The following PGBD5 variants were observed in gnomAD, a reference collection of about 807,000 sequenced individuals.
PGBD5 encodes the protein piggyBac transposable element derived 5.
PGBD5 carries 14 observed loss-of-function variants against 47.9 expected under a neutral mutation model. The ratio of observed to expected loss-of-function variants is 0.29; its 90% CI spans 0.19 to 0.46. The LOEUF is 0.46. Among genes scored for constraint, PGBD5 ranks in the 20% least tolerant of loss-of-function variants. The probability of loss-of-function intolerance (pLI) is 1.00; values close to 1 mark genes in which losing one functional copy is unlikely to be tolerated. For missense variants in PGBD5, 635 were observed against 716.0 expected, an observed-to-expected ratio of 0.89 and a Z score of 1.29; for synonymous variants, 316 against 306.3, an observed-to-expected ratio of 1.03 and a Z score of -0.33.
In PGBD5 at chr1:230,349,250, C is replaced by T. The variant is rs1000893775; in HGVS notation, c.894+1708G>A. Among the ~76,000 whole-genome samples, 15 of 152,084 alleles carry T rather than the reference C, an allele frequency of 9.9e-5. No homozygotes were observed. In the East Asian group the frequency reaches 1.9e-3, roughly 20 times the overall value. On this transcript the variant is annotated intron_variant, in intron 3 of 6. Coordinates refer to ENST00000391860, the MANE Select transcript of PGBD5 (RefSeq NM_001258311.2). ...CATTTATTCCAAAGCTACACAGGGC[C>T]GGTATGGTGGCTCTTGACTGTAATC...
chr1:230,386,847 C>T (rs183827802), intron 1 of PGBD5, among the ~76,000 whole-genome samples: 103 of 152,210 alleles, frequency 6.8e-4, no homozygotes, highest in Non-Finnish European at 4.7e-4. Context: ...CACTGGGCTA[C>T]GTTTCAATGG....
At chr1:230,417,407 G>A (rs1197370289) in intron 1 of PGBD5, among the ~76,000 whole-genome samples, 1 of 152,188 alleles carries the variant, frequency 6.6e-6, no homozygotes, top group Non-Finnish European at 1.5e-5. Context: ...ATCCATGCCT[G>A]AACCTGGAGT....
chr1:230,362,719 G>A (rs575743260), intron 1 of PGBD5, among the ~76,000 whole-genome samples: 1 of 152,244 alleles, frequency 6.6e-6, no homozygotes, highest in Admixed American at 6.5e-5. Context: ...TTGGAGCCTC[G>A]TATACAGCAT....
intron 1 of PGBD5, among the ~76,000 whole-genome samples, chr1:230,411,219 G>C (rs1340329206): frequency 6.6e-6 from 1 of 152,164 alleles, no homozygotes; most frequent in African/African-American, 2.4e-5. Context: ...GGAAGTAAAG[G>C]CTGCAGTGTG....
chr1:230,341,836 C>G (rs1395290634), intron 3 of PGBD5, among the ~76,000 whole-genome samples: 1 of 152,092 alleles, frequency 6.6e-6, no homozygotes, highest in Admixed American at 6.5e-5. Context: ...GAAAATGTAC[C>G]ATTTGGTGGT....
chr1:230,393,116 A>AG (rs1656829844), intron 1 of PGBD5, among the ~76,000 whole-genome samples: 2 of 133,534 alleles, frequency 1.5e-5, no homozygotes, highest in South Asian at 5.6e-4. Context: ...AAGAAGGGGA[A>AG]GGGGAAAAAA....
chr1:230,332,485 G>C (rs1284391471), intron 5 of PGBD5, among the ~76,000 whole-genome samples: 2 of 152,202 alleles, frequency 1.3e-5, no homozygotes, highest in Admixed American at 1.3e-4. Flanking sequence ...AAGAATGGTG[G>C]ATTTTTCCTT....
chr1:230,383,743 G>T (rs1450856400), intron 1 of PGBD5, among the ~76,000 whole-genome samples: 1 of 152,184 alleles, frequency 6.6e-6, no homozygotes, highest in Non-Finnish European at 1.5e-5. Flanking sequence ...GACAGCACTG[G>T]GAGCCAGTGG....
chr1:230,335,658 GAC>G lies in PGBD5; in HGVS notation c.1075+1448_1075+1449del, dbSNP rs1166575966. On this transcript the variant is annotated intron_variant, in intron 4 of 6. Transcript: ENST00000391860. ...AGACACAAACACAGACGCACAAACA[GAC>G]ACACACAGATACACAGATACAGACA... Among the ~76,000 whole-genome samples, 335 of 76,908 alleles carry G rather than the reference GAC, an allele frequency of 4.4e-3. 29 individuals carry two copies. The highest frequency in any genetic ancestry group is 0.012 in the African/African-American group (316 of 25,646). The allele number at this position is 76,908 out of a possible 152,430, so 50.5% of individuals were successfully genotyped here.
chr1:230,349,592 G>A (rs889226638), intron 3 of PGBD5, among the ~76,000 whole-genome samples: 3 of 147,732 alleles, frequency 2.0e-5, no homozygotes, highest in Non-Finnish European at 3.0e-5. Context: ...GCAGGACCAC[G>A]TTTGCATATC....
intron 2 of PGBD5, among the ~76,000 whole-genome samples, chr1:230,355,298 G>A (rs1035293485): frequency 6.6e-6 from 1 of 152,226 alleles, no homozygotes; most frequent in Non-Finnish European, 1.5e-5. Context: ...GAGCCCACAA[G>A]TCTCAGAATT....
Position 230,425,495 on chromosome 1 carries a change from G to T in PGBD5, c.331+103C>A. ...TTTGTTTCCGGAGAGACACCCACAA[G>T]CCAGCCCACGGAGAGTCTGGACTCG... is the stretch of plus-strand genomic sequence containing the variant. On this transcript the variant is annotated intron_variant, in intron 1 of 6. Coordinates refer to ENST00000391860, the MANE Select transcript of PGBD5 (RefSeq NM_001258311.2). This position sits in a 1 kb window ranked among gnomAD's most constrained non-coding sequence, Gnocchi z 4.7. 1.1e-6 allele frequency: 1 copy of T among 886,062 alleles called. No homozygotes were observed. Among genetic ancestry groups the T allele is most frequent in the Non-Finnish European group, 1.5e-6 (1 of 680,554 alleles). 54.9% of individuals were successfully genotyped at this position (886,062 alleles called of 1,614,324 possible).
At chr1:230,362,857 G>A (rs2632580) in intron 1 of PGBD5, among the ~76,000 whole-genome samples, 29,655 of 152,032 alleles carry the variant, frequency 0.2, 3,776 homozygotes, top group Non-Finnish European at 0.27. Context: ...AACAGTCCCT[G>A]TGCTAATGCC....
At chr1:230,394,735 C>T (rs1413082127) in intron 1 of PGBD5, among the ~76,000 whole-genome samples, 7 of 112,038 alleles carry the variant, frequency 6.2e-5, no homozygotes, top group Non-Finnish European at 9.3e-5. Flanking sequence ...CCTCTCTCAT[C>T]CCTACCCTCC....
At chr1:230,375,100 A>G (rs1226049431) in intron 1 of PGBD5, among the ~76,000 whole-genome samples, 10 of 152,250 alleles carry the variant, frequency 6.6e-5, no homozygotes, top group Non-Finnish European at 1.5e-5. Flanking sequence ...AGGAATAAGA[A>G]AGCAGACAAG....
chr1:230,344,228 T>C (rs1360367632), intron 3 of PGBD5, among the ~76,000 whole-genome samples: 1 of 150,234 alleles, frequency 6.7e-6, no homozygotes, highest in Non-Finnish European at 1.5e-5. Flanking sequence ...GAGCTTGCAG[T>C]GAGCCGAGAT....
chr1:230,396,261 TCC>T (rs1656965863), intron 1 of PGBD5, among the ~76,000 whole-genome samples: 3 of 30,958 alleles, frequency 9.7e-5, no homozygotes, highest in African/African-American at 1.6e-4. Flanking sequence ...ACCCCCACAC[TCC>T]TCCTTTTTAC....
At chr1:230,388,532 C>A (rs780755363) in intron 1 of PGBD5, among the ~76,000 whole-genome samples, 4 of 151,942 alleles carry the variant, frequency 2.6e-5, no homozygotes, top group Non-Finnish European at 2.9e-5. Flanking sequence ...TCTCCTGCCT[C>A]AGCTTCCCAA....
chr1:230,356,638 G>T (rs1667650331), intron 2 of PGBD5, among the ~76,000 whole-genome samples: 1 of 152,232 alleles, frequency 6.6e-6, no homozygotes, highest in Admixed American at 6.5e-5. Context: ...AGGGAGAAAA[G>T]AGGCGGAAGA....
Sources: gnomAD v4.1 joint callset for allele counts (sites outside exome capture counted in the v4.1 genomes callset) on GRCh38, gnomAD v4.1.1 for gene constraint, Gnocchi (gnomAD v3.1) non-coding constraint, MANE v1.5 for transcripts, NCBI Gene and HGNC (gene_info 2026-07-23, HGNC 2026-07-21) for gene names.